Variants in RSF1 observed in about 807,000 individuals in gnomAD.
RSF1 encodes remodeling and spacing factor 1.
RSF1 carries 13 observed loss-of-function variants against 145.2 expected under a neutral mutation model. The observed-to-expected ratio is 0.09, with a 90% CI of 0.06 to 0.14. The LOEUF is 0.14. Ranked by LOEUF, RSF1 falls within the 10% of genes least tolerant of loss-of-function variation. The pLI is 1.00. For missense variants in RSF1, 1,517 were observed against 1,718.2 expected (o/e 0.88, Z 2.07); for synonymous variants, 577 against 592.6 (o/e 0.97, Z 0.38).
chr11:77,704,624 T>C (rs1960499826), intron 5 of RSF1, among the ~76,000 whole-genome samples: 1 of 152,178 alleles, frequency 6.6e-6, no homozygotes, highest in Non-Finnish European at 1.5e-5. Context: ...TGTCACAAAC[T>C]CACTGATCTT....
intron 1 of RSF1, among the ~76,000 whole-genome samples, chr11:77,779,574 G>T (rs1293763142): frequency 6.6e-6 from 1 of 151,932 alleles, no homozygotes; most frequent in Non-Finnish European, 1.5e-5. Flanking sequence ...TAGAGATGGG[G>T]TTTCTCCATG....
intron 5 of RSF1, among the ~76,000 whole-genome samples, chr11:77,711,032 T>C (rs1191278314): frequency 1.3e-5 from 2 of 151,868 alleles, no homozygotes; most frequent in East Asian, 1.9e-4. Context: ...GATCTGGGCA[T>C]TGAGGATGCT....
At chr11:77,772,776 C>A (rs1948299843) in intron 1 of RSF1, among the ~76,000 whole-genome samples, 1 of 134,112 alleles carries the variant, frequency 7.5e-6, no homozygotes. Flanking sequence ...GAACTGGAAG[C>A]AATGATCTAA....
intron 9 of RSF1, among the ~76,000 whole-genome samples, chr11:77,687,407 C>T (rs530632089): frequency 1.3e-5 from 2 of 152,052 alleles, no homozygotes; most frequent in South Asian, 2.1e-4. Flanking sequence ...CATTTAAAGC[C>T]AGGTGTGGTA....
intron 4 of RSF1, among the ~76,000 whole-genome samples, chr11:77,727,376 G>C (rs1961079652): frequency 6.6e-6 from 1 of 151,728 alleles, no homozygotes; most frequent in Non-Finnish European, 1.5e-5. Flanking sequence ...GGGAACTGAA[G>C]AGTATACTGA....
chr11:77,737,442 G>A (rs1226032210), intron 4 of RSF1, among the ~76,000 whole-genome samples: 3 of 149,458 alleles, frequency 2.0e-5, no homozygotes, highest in South Asian at 2.1e-4. Context: ...GCAACAAAGC[G>A]AGATCCTGTC....
At chr11:77,731,524 G>A (rs1390206544) in intron 4 of RSF1, among the ~76,000 whole-genome samples, 2 of 152,234 alleles carry the variant, frequency 1.3e-5, no homozygotes, top group Non-Finnish European at 2.9e-5. Flanking sequence ...AGACAATGGG[G>A]AAAATGTCTC....
chr11:77,795,548 A>G (rs1948564046), intron 1 of RSF1, among the ~76,000 whole-genome samples: 2 of 152,158 alleles, frequency 1.3e-5, no homozygotes, highest in Non-Finnish European at 2.9e-5. Context: ...CAGAATAGAG[A>G]ACTCAGAAAT....
chr11:77,796,007 T>C, intron 1 of RSF1, among the ~76,000 whole-genome samples: 1 of 152,248 alleles, frequency 6.6e-6, no homozygotes, highest in Non-Finnish European at 1.5e-5. Context: ...GAGGCGTTTA[T>C]AGCATTCTCT....
At chr11:77,768,787 C>T (rs961592293) in intron 1 of RSF1, among the ~76,000 whole-genome samples, 8 of 152,150 alleles carry the variant, frequency 5.3e-5, no homozygotes, top group East Asian at 3.8e-4. Context: ...AATTAATCAA[C>T]ATTATAGTTT....
rs74750679 is a variant in RSF1, at chr11:77,711,290, C to T, written c.734-8795G>A. Among the ~76,000 whole-genome samples the T allele has an allele frequency of 8.4e-3, 1,284 of 152,168 alleles. 20 individuals carry two copies. Among genetic ancestry groups the T allele is most frequent in the African/African-American group, 0.028 (1,174 of 41,512 alleles). On this transcript the variant is annotated intron_variant, in intron 5 of 15. Transcript: ENST00000308488. Reference sequence around the variant, plus strand: ...CAGATAATACAATTAAGATATCATACTATTTTGTCTCAAATTATATACAAA... The same window carrying T: ...CAGATAATACAATTAAGATATCATATTATTTTGTCTCAAATTATATACAAA...
chr11:77,750,100 A>T (rs964237086), intron 2 of RSF1, among the ~76,000 whole-genome samples: 1 of 142,310 alleles, frequency 7.0e-6, no homozygotes, highest in Non-Finnish European at 1.6e-5. Flanking sequence ...ATTTGATGTT[A>T]AAAAAAAAAA....
In RSF1 at chr11:77,698,392, T is replaced by C. The variant is rs958815867; in HGVS notation, c.2715+95A>G. 3 of 985,580 alleles carry C rather than the reference T, an allele frequency of 3.0e-6. No homozygotes were observed. In the Admixed American group the frequency reaches 5.9e-5, roughly 19 times the overall value. The allele number at this position is 985,580 out of a possible 1,614,324, so 61.1% of individuals were successfully genotyped here. On this transcript the variant is annotated intron_variant, in intron 7 of 15. Coordinates refer to ENST00000308488, the MANE Select transcript of RSF1 (RefSeq NM_016578.4). ...TAGCATACAAGTTATCATTAAGAAA[T>C]TCAAATAATGATAAAACCCAGAAGA...
Position 77,661,235 on chromosome 11 carries a change from C to T in RSF1, c.*5682G>A, listed in dbSNP as rs1186460797. On this transcript the variant is annotated 3_prime_UTR_variant, in exon 16 of 16. Coordinates refer to ENST00000308488, the MANE Select transcript of RSF1 (RefSeq NM_016578.4). ...ATACCCTTTCAAAGTGTACACACAA[C>T]CTCATGGCAGGTTTGGGCAAGCTAC... is the stretch of plus-strand genomic sequence containing the variant. The T allele has an allele frequency of 6.6e-6, 1 of 152,136 alleles. No homozygotes were observed. Among genetic ancestry groups the T allele is most frequent in the Non-Finnish European group, 1.5e-5 (1 of 68,018 alleles). The allele number at this position is 152,136 out of a possible 1,614,324, so 9.4% of individuals were successfully genotyped here.
At chr11:77,740,518 T>C (rs1046668702) in intron 4 of RSF1, among the ~76,000 whole-genome samples, 1 of 152,232 alleles carries the variant, frequency 6.6e-6, no homozygotes, top group Non-Finnish European at 1.5e-5. Flanking sequence ...GTATATAATA[T>C]GGACTGAACT....
At chr11:77,840,838 G>A in the RSF1 span, among the ~76,000 whole-genome samples, 1 of 152,244 alleles carries the variant, frequency 6.6e-6, no homozygotes, top group Non-Finnish European at 1.5e-5. Flanking sequence ...ATCCAGCCTG[G>A]CGAAACAACT....
chr11:77,718,374 C>T (rs377207374), intron 5 of RSF1: 1 of 152,134 alleles, frequency 6.6e-6, no homozygotes, highest in Admixed American at 6.6e-5. Flanking sequence ...TATAGCTGCA[C>T]ATCTCAGCAT....
the RSF1 span, chr11:77,872,106 C>T: frequency 1.3e-6 from 2 of 1,517,932 alleles, no homozygotes; most frequent in African/African-American, 1.4e-5. Context: ...GTACACCTGC[C>T]TCATGGCAGT....
intron 1 of RSF1, among the ~76,000 whole-genome samples, chr11:77,794,109 G>A (rs989920326): frequency 2.0e-5 from 3 of 152,130 alleles, no homozygotes; most frequent in African/African-American, 7.2e-5. Flanking sequence ...ACATTCCACT[G>A]TTGAAGGGGA....
Sources: allele counts gnomAD v4.1 joint callset (sites outside exome capture counted in the v4.1 genomes callset), GRCh38; gene constraint gnomAD v4.1.1; transcripts MANE v1.5; gene names NCBI Gene and HGNC (gene_info 2026-07-23, HGNC 2026-07-21).